The following PMEL variants were observed in gnomAD, a reference collection of about 807,000 sequenced individuals.
The protein encoded by PMEL is melanocyte protein PMEL.
PMEL carries 53 observed loss-of-function variants against 64.9 expected under a neutral mutation model. The ratio of observed to expected loss-of-function variants is 0.82; its 90% CI spans 0.66 to 1.03. PMEL has a LOEUF of 1.03. Among genes scored for constraint, PMEL ranks in the 50% least tolerant of loss-of-function variants. The pLI is 0.00. For missense variants in PMEL, 716 were observed against 814.9 expected, an observed-to-expected ratio of 0.88 and a Z score of 1.48; for synonymous variants, 299 against 316.2, an observed-to-expected ratio of 0.95 and a Z score of 0.58.
intron 3 of PMEL, 41 bp downstream of exon 3, chr12:55,961,276 T>G (rs754677456): frequency 1.9e-6 from 3 of 1,599,728 alleles, no homozygotes; most frequent in Non-Finnish European, 1.7e-6. Flanking sequence ...CCAGGGAACC[T>G]GAGCCCTAGG....
intron 10 of PMEL, 102 bp downstream of exon 10, chr12:55,955,172 C>A (rs1888810310): frequency 4.4e-6 from 4 of 902,340 alleles, no homozygotes; most frequent in Admixed American, 1.7e-5. Flanking sequence ...TCCTGGACAC[C>A]ATGCTTCCTC....
At chr12:55,960,532 T>TG (rs1471653555) in intron 3 of PMEL, among the ~76,000 whole-genome samples, 3 of 145,050 alleles carry the variant, frequency 2.1e-5, no homozygotes, top group African/African-American at 8.0e-5. Flanking sequence ...TTCTTTTTGC[T>TG]TTCTGTTTTT....
intron 7 of PMEL, 92 bp downstream of exon 7, chr12:55,956,011 G>C (rs1888872048): frequency 1.8e-6 from 2 of 1,099,086 alleles, no homozygotes; most frequent in South Asian, 2.6e-5. Flanking sequence ...TTCCTATCTA[G>C]GTGAGTAATT....
At position 55,961,610 on chromosome 12, in the gene PMEL, C is replaced by T; in HGVS notation, c.187+12G>A. 3 of 1,603,084 alleles carry T rather than the reference C, an allele frequency of 1.9e-6. No homozygotes were observed. Among genetic ancestry groups the T allele is most frequent in the Non-Finnish European group, 2.6e-6 (3 of 1,170,264 alleles). ...CCCACCATGCCCTCCCCTGGAACTT[C>T]CAAGTTCCTACCTCTCCAGCAGTCA... On this transcript the variant is annotated intron_variant, in intron 2 of 10. Coordinates refer to ENST00000548747, the MANE Select transcript of PMEL (RefSeq NM_001384361.1).
intron 6 of PMEL, 136 bp downstream of exon 6, chr12:55,956,813 A>C: frequency 1.1e-6 from 1 of 900,034 alleles, no homozygotes; most frequent in South Asian, 1.7e-5. Context: ...AGGGCTTTAT[A>C]GCCAGGCCAG....
rs748548753 is a variant in PMEL, at chr12:55,961,446, T to C, written c.205A>G (p.Lys69Glu). ...DCWRGGQVSL[K>E]VSNDGPTLIG... The stretch of plus-strand genomic sequence containing the variant: ...AGTGTAGGCCCATCATTACTGACCT[T>C]GAGGGACACTTGACCACCTGGGAAG... The change falls in exon 3 of 11, where the codon AAG becomes GAG. Residue 69 changes from lysine (K) to glutamate (E), a missense_variant. Lys to Glu is a moderately conservative substitution (Grantham distance 56). Coordinates refer to ENST00000548747, the MANE Select transcript of PMEL (RefSeq NM_001384361.1). The C allele has an allele frequency of 6.2e-7, 1 of 1,614,128 alleles. No individual in the cohort carries two copies. Among genetic ancestry groups the C allele is most frequent in the South Asian group, 1.1e-5 (1 of 91,084 alleles).
chr12:55,955,134 T>A, intron 10 of PMEL, 140 bp downstream of exon 10: 1 of 739,888 alleles, frequency 1.4e-6, no homozygotes, highest in South Asian at 1.5e-5. Context: ...GCAACCCAAG[T>A]CTGTCTAACT....
In PMEL at chr12:55,955,666, C is replaced by T; in HGVS notation, c.1560G>A (p.Leu520=). ...AGATCTCCATGCAGGCTTCCTTGGGCAGCCTGGAAGAAGTGTCAGCATATA... is the reference window on the plus strand; with the variant it reads ...AGATCTCCATGCAGGCTTCCTTGGGTAGCCTGGAAGAAGTGTCAGCATATA... ...FELTVSCQGG[L]PKEACMEISS... is the part of the protein sequence containing the mutation. Residue 520 remains leucine, a synonymous_variant, in exon 9 of 11, where the codon CTG becomes CTA. Coordinates refer to ENST00000548747, the MANE Select transcript of PMEL (RefSeq NM_001384361.1). 1 of 1,612,112 alleles carries T rather than the reference C, an allele frequency of 6.2e-7. No individual in the cohort carries two copies.
In PMEL at chr12:55,955,599, G is replaced by T; in HGVS notation, c.1627C>A (p.Pro543Thr). The change falls in exon 9 of 11, where the codon CCT (proline) becomes ACT (threonine). Residue 543 changes from proline to threonine, a missense_variant. By Grantham distance (38) the Pro-to-Thr change is conservative. Transcript: ENST00000548747. ...TGGCAGGCTGGGCTGGGTAGCACAG[G>T]CTGGCACAGCCGCTGGGCAGGGGGC... Reference protein sequence around the residue: ...CQPPAQRLCQPVLPSPACQLV... With the variant: ...CQPPAQRLCQTVLPSPACQLV... 6.2e-7 allele frequency: 1 copy of T among 1,613,950 alleles called. No homozygotes were observed. The highest frequency in any genetic ancestry group is 8.5e-7 in the Non-Finnish European group (1 of 1,180,010).
intron 1 of PMEL, among the ~76,000 whole-genome samples, chr12:55,963,834 C>A (rs1889189842): frequency 1.3e-5 from 2 of 151,974 alleles, no homozygotes; most frequent in Admixed American, 1.3e-4. Flanking sequence ...CAGAAACTAC[C>A]CTCACCCCAT....
intron 3 of PMEL, chr12:55,958,808 G>T: frequency 3.6e-6 from 2 of 548,014 alleles, no homozygotes; most frequent in Non-Finnish European, 6.4e-6. Context: ...TAGAGACAGG[G>T]TCTTAGTCTG....
rs746019205 is a variant in PMEL at position 55,954,347 on chromosome 12, C to A, written c.1853G>T (p.Arg618Leu). The A allele has an allele frequency of 1.2e-6, 2 of 1,613,834 alleles. No individual in the cohort carries two copies. Among genetic ancestry groups the A allele is most frequent in the Admixed American group, 3.3e-5 (2 of 59,964 alleles). ...GGAGAAGTCTTGCTTCATAAGTCTGCGCCTGATATTGGGAGAAGGGGTAAA... is the reference window on the plus strand; with the variant it reads ...GGAGAAGTCTTGCTTCATAAGTCTGAGCCTGATATTGGGAGAAGGGGTAAA... Reference protein sequence around the residue: ...AVVLASLIYRRRLMKQDFSVP... With the variant: ...AVVLASLIYRLRLMKQDFSVP... The change falls in exon 11 of 11, where the codon CGC becomes CTC. Residue 618 changes from arginine (R) to leucine (L), a missense_variant and splice_region_variant. Coordinates refer to ENST00000548747, the MANE Select transcript of PMEL (RefSeq NM_001384361.1).
chr12:55,958,396 G>A (rs1888977081), intron 4 of PMEL, 77 bp downstream of exon 4: 8 of 1,427,770 alleles, frequency 5.6e-6, no homozygotes, highest in Admixed American at 4.1e-5. Flanking sequence ...GGTGGAAGGG[G>A]CGGCCAAAAG....
Position 55,955,471 on chromosome 12 carries a change from G to C in PMEL, c.1755C>G (p.Ile585Met). 1 of 1,614,060 alleles carries C rather than the reference G, an allele frequency of 6.2e-7. No homozygotes were observed. Among genetic ancestry groups the C allele is most frequent in the Non-Finnish European group, 8.5e-7 (1 of 1,179,934 alleles). ...NSLAVVSTQL[I>M]MPGQEAGLGQ... Reference sequence around the variant, plus strand: ...TCTTGTCCAAGGACCTACCAGGCATGATAAGCTGGGTGCTGACCACTGCCA... The same window carrying C: ...TCTTGTCCAAGGACCTACCAGGCATCATAAGCTGGGTGCTGACCACTGCCA... The change falls in exon 9 of 11, where the codon ATC (isoleucine) becomes ATG (methionine). Residue 585 changes from isoleucine to methionine, a missense_variant. Transcript: ENST00000548747.
intron 1 of PMEL, among the ~76,000 whole-genome samples, chr12:55,964,932 T>C (rs573029298): frequency 0.025 from 3,708 of 146,286 alleles, 76 homozygotes; most frequent in Non-Finnish European, 0.037. Flanking sequence ...CCCTTTCTTT[T>C]TTTTTTTTTT....
Position 55,958,462 on chromosome 12 carries a change from G to GAGTC in PMEL, c.469+7_469+10dup. ...AAGTGTGGATGATAGGCTGAGAAGG[G>GAGTC]AGTCCCTCACCCCAGGTCTTCCAGA... On this transcript the variant is annotated intron_variant, in intron 4 of 10. Transcript: ENST00000548747. 3 of 1,612,814 alleles carry GAGTC rather than the reference G, an allele frequency of 1.9e-6. No individual in the cohort carries two copies. In the Admixed American group the frequency reaches 5.0e-5, roughly 27 times the overall value.
chr12:55,962,457 A>AC (rs1889138388), intron 1 of PMEL, among the ~76,000 whole-genome samples: 1 of 138,426 alleles, frequency 7.2e-6, no homozygotes, highest in Non-Finnish European at 1.5e-5. Flanking sequence ...TCAAAAAAAA[A>AC]AAAAAAAAAA....
chr12:55,960,336 G>C (rs1160429069), intron 3 of PMEL, among the ~76,000 whole-genome samples: 1 of 151,620 alleles, frequency 6.6e-6, no homozygotes, highest in East Asian at 1.9e-4. Context: ...TCAACTTCTA[G>C]GTCCCCTGAA....
At chr12:55,962,563 C>T (rs112737451) in intron 1 of PMEL, among the ~76,000 whole-genome samples, 1 of 140,144 alleles carries the variant, frequency 7.1e-6, no homozygotes, top group African/African-American at 2.7e-5. Context: ...TCGCTCTGCC[C>T]CCTAGGCTGG....
Sources: allele counts gnomAD v4.1 joint callset (sites outside exome capture counted in the v4.1 genomes callset), GRCh38; gene constraint gnomAD v4.1.1; transcripts MANE v1.5; gene names NCBI Gene and HGNC (gene_info 2026-07-23, HGNC 2026-07-21).